Variants in MAPRE2 observed in about 807,000 individuals in gnomAD.
MAPRE2 encodes microtubule-associated protein RP/EB family member 2.
Under a neutral mutation model 43.2 loss-of-function variants are expected in MAPRE2, and 13 were observed. The ratio of observed to expected loss-of-function variants is 0.30; its 90% CI spans 0.20 to 0.48. The LOEUF (loss-of-function observed/expected upper bound fraction) is 0.48, where lower values mean the gene tolerates loss of function less well. MAPRE2 is among the 20% of genes least tolerant of loss of function. MAPRE2 has a pLI of 0.99. For missense variants in MAPRE2, 161 were observed against 400.2 expected (o/e 0.40, Z 5.10); for synonymous variants, 135 against 148.8 (o/e 0.91, Z 0.68).
At chr18:35,055,555 G>GTGTGTGTGTA (rs1390650042) in intron 1 of MAPRE2, among the ~76,000 whole-genome samples, 1 of 149,202 alleles carries the variant, frequency 6.7e-6, no homozygotes, top group South Asian at 2.1e-4. Flanking sequence ...GTGTGTGTGT[G>GTGTGTGTGTA]TGTGTGTGTA....
chr18:35,066,065 C>T (rs934349884), intron 1 of MAPRE2, among the ~76,000 whole-genome samples: 8 of 152,222 alleles, frequency 5.3e-5, no homozygotes, highest in African/African-American at 1.9e-4. Flanking sequence ...ATAAACCCCG[C>T]ACAGTGAGTT....
chr18:34,987,904 A>G (rs1168690645), intron 1 of MAPRE2, among the ~76,000 whole-genome samples: 1 of 152,186 alleles, frequency 6.6e-6, no homozygotes, highest in Non-Finnish European at 1.5e-5. Flanking sequence ...CGGCCTCCCA[A>G]AGTGTTGGGA....
chr18:35,002,974 C>T (rs948677051), intron 1 of MAPRE2, among the ~76,000 whole-genome samples: 12 of 152,118 alleles, frequency 7.9e-5, no homozygotes, highest in African/African-American at 1.9e-4. Flanking sequence ...TTGCCAGCCC[C>T]GATCCTAAAG....
At chr18:35,116,596 C>G (rs1234353901) in intron 4 of MAPRE2, among the ~76,000 whole-genome samples, 1 of 152,180 alleles carries the variant, frequency 6.6e-6, no homozygotes, top group Non-Finnish European at 1.5e-5. Context: ...CAGTTTCTTG[C>G]TGAAGGCCAC....
intron 2 of MAPRE2, among the ~76,000 whole-genome samples, chr18:35,074,499 A>G (rs1257100124): frequency 6.6e-6 from 1 of 152,132 alleles, no homozygotes; most frequent in Non-Finnish European, 1.5e-5. Flanking sequence ...GGAGTGGGAG[A>G]AAGTACATCT....
intron 2 of MAPRE2, among the ~76,000 whole-genome samples, chr18:35,096,384 T>C (rs564248583): frequency 4.6e-5 from 7 of 152,350 alleles, no homozygotes; most frequent in African/African-American, 1.7e-4. Context: ...TCATTCTGGC[T>C]TCCAGCTTAT....
intron 1 of MAPRE2, among the ~76,000 whole-genome samples, chr18:35,057,640 C>T (rs1004135143): frequency 2.0e-5 from 3 of 152,032 alleles, no homozygotes; most frequent in Non-Finnish European, 2.9e-5. Flanking sequence ...AAAAATTCTT[C>T]TTCTGTTCCA....
At chr18:34,991,135 A>G (rs538435997) in intron 1 of MAPRE2, among the ~76,000 whole-genome samples, 2 of 152,252 alleles carry the variant, frequency 1.3e-5, no homozygotes, top group South Asian at 2.1e-4. Context: ...TGAGCATAGT[A>G]TCCAACAGGT....
rs748169994 is a variant in MAPRE2 at position 35,140,529 on chromosome 18, A to G, written c.*160A>G. 6.6e-5 allele frequency: 47 copies of G among 716,146 alleles called. No individual in the cohort carries two copies. Among genetic ancestry groups the G allele is most frequent in the Non-Finnish European group, 1.0e-4 (44 of 439,024 alleles). 44.4% of individuals were successfully genotyped at this position (716,146 alleles called of 1,614,324 possible). On this transcript the variant is annotated 3_prime_UTR_variant, in exon 7 of 7. Coordinates refer to ENST00000300249, the MANE Select transcript of MAPRE2 (RefSeq NM_014268.4). ...ATGCCAGCCACTGCGCTTGGTTCCC[A>G]TTTTCTTTGCCAAGGTGTATTAGCG...
intron 4 of MAPRE2, among the ~76,000 whole-genome samples, chr18:35,126,082 T>C (rs1362437865): frequency 1.3e-5 from 2 of 152,252 alleles, no homozygotes; most frequent in African/African-American, 4.8e-5. Flanking sequence ...ATTTAGTGGC[T>C]GCCAGTGTTC....
At chr18:35,086,039 T>C (rs913741677) in intron 2 of MAPRE2, among the ~76,000 whole-genome samples, 1 of 152,190 alleles carries the variant, frequency 6.6e-6, no homozygotes, top group Admixed American at 6.5e-5. Context: ...TTCTAACCTT[T>C]CATCAGTACC....
intron 1 of MAPRE2, among the ~76,000 whole-genome samples, chr18:35,053,035 CTT>C (rs1252149257): frequency 2.2e-5 from 3 of 139,004 alleles, no homozygotes; most frequent in Non-Finnish European, 4.7e-5. Context: ...AAGACCTAGT[CTT>C]TGTTCACAAT....
At chr18:35,122,186 T>G (rs1344226946) in intron 4 of MAPRE2, among the ~76,000 whole-genome samples, 1 of 152,218 alleles carries the variant, frequency 6.6e-6, no homozygotes, top group Non-Finnish European at 1.5e-5. Context: ...TTTTATACAT[T>G]TAGTATTTCT....
intron 2 of MAPRE2, among the ~76,000 whole-genome samples, chr18:35,033,806 G>C (rs1353950983): frequency 6.7e-6 from 1 of 148,772 alleles, no homozygotes. Flanking sequence ...CAACTTACAA[G>C]GGATGTGAAG....
chr18:35,085,189 T>C (rs112419272), intron 2 of MAPRE2, among the ~76,000 whole-genome samples: 17 of 152,346 alleles, frequency 1.1e-4, no homozygotes, highest in African/African-American at 3.6e-4. Context: ...AGATTTCTGC[T>C]GATGTGCTGG....
intron 1 of MAPRE2, among the ~76,000 whole-genome samples, chr18:34,992,873 G>A (rs993102185): frequency 7.9e-5 from 12 of 152,248 alleles, no homozygotes; most frequent in African/African-American, 2.9e-4. Context: ...CTGAGCTCAC[G>A]TTTCCCTGTG....
intron 1 of MAPRE2, among the ~76,000 whole-genome samples, chr18:35,064,210 AT>A (rs1195875692): frequency 6.7e-6 from 1 of 148,844 alleles, no homozygotes; most frequent in Non-Finnish European, 1.5e-5. Context: ...AAAAAAAAAA[AT>A]CAAAATAGGT....
intron 1 of MAPRE2, among the ~76,000 whole-genome samples, chr18:34,985,255 A>ATATTATATT (rs1568961356): frequency 2.0e-5 from 1 of 48,890 alleles, no homozygotes; most frequent in African/African-American, 9.5e-5. Flanking sequence ...TAAAATATAT[A>ATATTATATT]ATATAATATA....
rs569832338 is a variant in MAPRE2, at chr18:35,067,010, G to T, written c.123-3185G>T. 9.9e-5 allele frequency among the ~76,000 whole-genome samples: 15 copies of T among 152,262 alleles called. No homozygotes were observed. The East Asian group carries it at 1.9e-3, about 20-fold the overall frequency. On this transcript the variant is annotated intron_variant, in intron 1 of 6. Coordinates refer to ENST00000300249, the MANE Select transcript of MAPRE2 (RefSeq NM_014268.4). ...TTTAATGTGTTGTTATTTTATTTTA[G>T]GAAATGGTGAAAAATTTCTTGCCTT...
Sources: gnomAD v4.1 joint callset for allele counts (sites outside exome capture counted in the v4.1 genomes callset) on GRCh38, gnomAD v4.1.1 for gene constraint, MANE v1.5 for transcripts, NCBI Gene and HGNC (gene_info 2026-07-23, HGNC 2026-07-21) for gene names.